The following KCNT2 variants were observed in gnomAD, a reference collection of about 807,000 sequenced individuals.
KCNT2 encodes the protein potassium sodium-activated channel subfamily T member 2.
In KCNT2, 67 loss-of-function variants were observed where a neutral mutation model predicts 153.8. The observed-to-expected ratio is 0.44, with a 90% CI of 0.36 to 0.53. The LOEUF is 0.53. Ranked by LOEUF, KCNT2 falls within the 20% of genes least tolerant of loss-of-function variation. The probability of loss-of-function intolerance (pLI) is 0.00; values close to 1 mark genes in which losing one functional copy is unlikely to be tolerated. For missense variants in KCNT2, 975 were observed against 1,354.8 expected, an observed-to-expected ratio of 0.72 and a Z score of 4.40; for synonymous variants, 500 against 458.8, an observed-to-expected ratio of 1.09 and a Z score of -1.15.
chr1:196,381,438 T>A (rs1669483413), intron 13 of KCNT2, among the ~76,000 whole-genome samples: 1 of 151,878 alleles, frequency 6.6e-6, no homozygotes, highest in Non-Finnish European at 1.5e-5. Flanking sequence ...TAATACTAAA[T>A]AATATTTCTG....
intron 21 of KCNT2, among the ~76,000 whole-genome samples, chr1:196,309,065 G>A (rs1431936853): frequency 6.6e-6 from 1 of 151,776 alleles, no homozygotes; most frequent in African/African-American, 2.4e-5. Flanking sequence ...TATTTTTCTA[G>A]GGGTGATACA....
chr1:196,604,597 T>C (rs750236092), intron 1 of KCNT2, among the ~76,000 whole-genome samples: 1 of 152,174 alleles, frequency 6.6e-6, no homozygotes, highest in Non-Finnish European at 1.5e-5. Context: ...CTGCTGTGTC[T>C]AACCCTATTC....
intron 26 of KCNT2, chr1:196,257,636 T>C (rs1558072974): frequency 9.5e-6 from 9 of 950,298 alleles, no homozygotes; most frequent in South Asian, 9.8e-5. Context: ...AGTGTCTATA[T>C]GGCAATTATG....
At chr1:196,600,748 A>G (rs565200351) in intron 1 of KCNT2, among the ~76,000 whole-genome samples, 1 of 152,216 alleles carries the variant, frequency 6.6e-6, no homozygotes, top group African/African-American at 2.4e-5. Context: ...TTGTTTATTC[A>G]TAAAATTTGG....
intron 3 of KCNT2, among the ~76,000 whole-genome samples, chr1:196,487,233 A>T (rs1679494901): frequency 6.6e-6 from 1 of 152,006 alleles, no homozygotes; most frequent in South Asian, 2.1e-4. Flanking sequence ...CCTGAGTATG[A>T]AGTACAAGCA....
chr1:196,290,954 CA>C (rs1660135046), intron 22 of KCNT2, among the ~76,000 whole-genome samples: 1 of 152,118 alleles, frequency 6.6e-6, no homozygotes, highest in Non-Finnish European at 1.5e-5. Flanking sequence ...TTCACTGCAT[CA>C]AAAACTCCAA....
intron 27 of KCNT2, among the ~76,000 whole-genome samples, chr1:196,231,900 T>C (rs889432040): frequency 3.3e-5 from 5 of 151,852 alleles, no homozygotes; most frequent in Admixed American, 6.6e-5. Flanking sequence ...AAGAAAGTCA[T>C]GTTCCAAGTC....
intron 1 of KCNT2, among the ~76,000 whole-genome samples, chr1:196,530,895 G>C (rs544404345): frequency 6.6e-6 from 1 of 152,086 alleles, no homozygotes; most frequent in Non-Finnish European, 1.5e-5. Context: ...GCCATAGTGG[G>C]AATCACATCA....
intron 8 of KCNT2, among the ~76,000 whole-genome samples, chr1:196,464,067 A>G (rs1289889956): frequency 2.0e-5 from 3 of 151,916 alleles, no homozygotes; most frequent in Non-Finnish European, 2.9e-5. Flanking sequence ...CCATACATAC[A>G]TAATTTTTTT....
At chr1:196,427,319 C>A (rs957060444) in intron 10 of KCNT2, among the ~76,000 whole-genome samples, 1 of 151,852 alleles carries the variant, frequency 6.6e-6, no homozygotes, top group African/African-American at 2.4e-5. Context: ...TTATAAAGGT[C>A]TACAAAATAT....
intron 4 of KCNT2, 61 bp downstream of exon 4, chr1:196,482,270 A>T: frequency 1.9e-6 from 2 of 1,037,998 alleles, no homozygotes; most frequent in Non-Finnish European, 1.5e-6. Flanking sequence ...CTCCAATAGT[A>T]CTTCTCTGTG....
chr1:196,605,338 G>A (rs1665197858), intron 1 of KCNT2, among the ~76,000 whole-genome samples: 1 of 152,182 alleles, frequency 6.6e-6, no homozygotes, highest in South Asian at 2.1e-4. Context: ...TCAGTATTAA[G>A]CCAGTTATCA....
chr1:196,401,468 T>C (rs1202935134), intron 12 of KCNT2, among the ~76,000 whole-genome samples: 1 of 151,618 alleles, frequency 6.6e-6, no homozygotes, highest in Non-Finnish European at 1.5e-5. Context: ...ATGAAAAACA[T>C]GTTTGTAATA....
intron 1 of KCNT2, among the ~76,000 whole-genome samples, chr1:196,574,720 A>G (rs1558094815): frequency 6.6e-6 from 1 of 152,084 alleles, no homozygotes; most frequent in Non-Finnish European, 1.5e-5. Flanking sequence ...TTGAGAATCT[A>G]AAACTTTGGA....
At chr1:196,600,129 C>A (rs1166083684) in intron 1 of KCNT2, among the ~76,000 whole-genome samples, 1 of 152,158 alleles carries the variant, frequency 6.6e-6, no homozygotes, top group Non-Finnish European at 1.5e-5. Context: ...TCAGAAATTT[C>A]TAATTCACTC....
chr1:196,527,055 G>A (rs1654322972), intron 1 of KCNT2, among the ~76,000 whole-genome samples: 1 of 152,108 alleles, frequency 6.6e-6, no homozygotes, highest in African/African-American at 2.4e-5. Flanking sequence ...TGCTCCTTAT[G>A]AGAATCTAAC....
At chr1:196,477,309 G>A (rs1402127239) in intron 5 of KCNT2, among the ~76,000 whole-genome samples, 1 of 152,140 alleles carries the variant, frequency 6.6e-6, no homozygotes, top group African/African-American at 2.4e-5. Flanking sequence ...GAGAGGGACA[G>A]ATGCAGTGGC....
At chr1:196,375,143 T>G (rs1668849411) in intron 13 of KCNT2, among the ~76,000 whole-genome samples, 2 of 151,782 alleles carry the variant, frequency 1.3e-5, no homozygotes, top group Admixed American at 1.3e-4. Flanking sequence ...CATCTGAGTT[T>G]GGGGGGCAAT....
At chr1:196,239,440 T>C (rs1654748037) in intron 26 of KCNT2, among the ~76,000 whole-genome samples, 1 of 151,932 alleles carries the variant, frequency 6.6e-6, no homozygotes, top group Non-Finnish European at 1.5e-5. Flanking sequence ...CTATATTAAC[T>C]AGCATATACA....
Sources: allele counts gnomAD v4.1 joint callset (sites outside exome capture counted in the v4.1 genomes callset), GRCh38; gene constraint gnomAD v4.1.1; transcripts MANE v1.5; gene names NCBI Gene and HGNC (gene_info 2026-07-23, HGNC 2026-07-21).